The following LRBA variants were observed in gnomAD, a reference collection of about 807,000 sequenced individuals.
The protein encoded by LRBA is LPS responsive beige-like anchor protein.
Under a neutral mutation model 330.0 loss-of-function variants are expected in LRBA, and 176 were observed. The observed-to-expected ratio is 0.53, with a 90% CI of 0.47 to 0.60. The LOEUF is 0.60. LRBA is among the 20% of genes least tolerant of loss of function. LRBA has a pLI of 0.00. For synonymous variants in LRBA, 1,230 were observed against 1,193.0 expected (o/e 1.03, Z -0.64); for missense variants, 3,259 against 3,444.8 (o/e 0.95, Z 1.35).
chr4:150,279,243 C>A (rs1391877492), intron 55 of LRBA, among the ~76,000 whole-genome samples: 1 of 152,166 alleles, frequency 6.6e-6, no homozygotes, highest in Non-Finnish European at 1.5e-5. Context: ...TACTTTCTGT[C>A]CATTTATAGA....
intron 40 of LRBA, among the ~76,000 whole-genome samples, chr4:150,520,589 T>C (rs1280047691): frequency 2.6e-5 from 4 of 152,204 alleles, no homozygotes; most frequent in African/African-American, 9.6e-5. Flanking sequence ...ATATACACCA[T>C]GGAATACTAT....
Position 150,265,707 on chromosome 4 carries a change from G to A in LRBA, c.*15C>T. On this transcript the variant is annotated 3_prime_UTR_variant, in exon 57 of 57. Coordinates refer to ENST00000651943, the MANE Select transcript of LRBA (RefSeq NM_001364905.1). ...TGCTCATCCTAGGGGCAGAGTTGAT[G>A]TACAGCTGTCACCATCAGTAGCGGG... is the stretch of plus-strand genomic sequence containing the variant. The A allele has an allele frequency of 3.2e-6, 5 of 1,558,070 alleles. No homozygotes were observed. The highest frequency in any genetic ancestry group is 1.4e-5 in the African/African-American group (1 of 73,968).
At position 150,348,704 on chromosome 4, in the gene LRBA, G is replaced by C. The variant is rs186484544; in HGVS notation, c.7362+1288C>G. On this transcript the variant is annotated intron_variant, in intron 48 of 56. Transcript: ENST00000651943. ...GAAAACAAAAATAGCTGGTATATTT[G>C]TTGAAGAATTATGGGCATTTAACAG... Among the ~76,000 whole-genome samples the C allele has an allele frequency of 4.8e-4, 73 of 152,206 alleles. 3 individuals carry two copies. Among genetic ancestry groups the C allele is most frequent in the Admixed American group, 4.2e-3 (64 of 15,282 alleles).
Position 150,413,459 on chromosome 4 carries a change from A to G in LRBA, c.7194+1979T>C, listed in dbSNP as rs571841132. On this transcript the variant is annotated intron_variant, in intron 47 of 56. Transcript: ENST00000651943. Reference sequence around the variant, plus strand: ...GAATACTATACAGCAATACAAAGAAATTAACTACTGATATATGCACAACAT... The same window carrying G: ...GAATACTATACAGCAATACAAAGAAGTTAACTACTGATATATGCACAACAT... Among the ~76,000 whole-genome samples, 4 of 152,302 alleles carry G rather than the reference A, an allele frequency of 2.6e-5. No homozygotes were observed. The South Asian group carries it at 6.2e-4, about 24-fold the overall frequency.
intron 47 of LRBA, among the ~76,000 whole-genome samples, chr4:150,351,645 C>T (rs1186867959): frequency 3.9e-5 from 6 of 152,012 alleles, no homozygotes; most frequent in African/African-American, 9.7e-5. Context: ...GCCGAGATCG[C>T]GCCACTGCAC....
intron 49 of LRBA, among the ~76,000 whole-genome samples, chr4:150,325,050 T>C (rs1246447115): frequency 6.6e-6 from 1 of 152,128 alleles, no homozygotes; most frequent in African/African-American, 2.4e-5. Context: ...CAATGAAATG[T>C]GGCATAAATG....
chr4:150,871,438 G>C lies in LRBA; in HGVS notation c.2274C>G (p.Val758=), dbSNP rs768789793. Residue 758 remains valine (V), a synonymous_variant, in exon 19 of 57, where the codon GTC becomes GTG. Transcript: ENST00000651943. ...ATGAAAACAATCCATGTCCAAGCAT[G>C]ACTTCTGCTTTCCTCCTGCAATTAC... ...KHLAPKRKAE[V]MLGHGLFSLL... is the part of the protein sequence containing the mutation. 7 of 1,607,068 alleles carry C rather than the reference G, an allele frequency of 4.4e-6. No homozygotes were observed. In the Admixed American group the frequency reaches 1.2e-4, roughly 27 times the overall value.
At chr4:150,538,226 G>A (rs1448117783) in intron 40 of LRBA, among the ~76,000 whole-genome samples, 1 of 152,156 alleles carries the variant, frequency 6.6e-6, no homozygotes, top group Non-Finnish European at 1.5e-5. Context: ...AAAGCAGTTT[G>A]GAGATTTCTC....
At chr4:150,265,876 C>A in intron 56 of LRBA, 64 bp from the exon 57 acceptor site, 1 of 977,654 alleles carries the variant, frequency 1.0e-6, no homozygotes, top group South Asian at 1.3e-5. Context: ...TTACTAAAAA[C>A]TGCTCTCCCC....
At chr4:150,368,869 T>A (rs1312254758) in intron 47 of LRBA, among the ~76,000 whole-genome samples, 3 of 152,234 alleles carry the variant, frequency 2.0e-5, no homozygotes, top group Non-Finnish European at 2.9e-5. Context: ...AGGATAGATG[T>A]CTTTTTGTGT....
At chr4:150,821,084 C>T (rs1297163268) in intron 30 of LRBA, among the ~76,000 whole-genome samples, 5 of 152,038 alleles carry the variant, frequency 3.3e-5, no homozygotes, top group African/African-American at 1.2e-4. Context: ...GCTTAAGTTT[C>T]TATTTAAGAA....
rs1560909833 is a variant in LRBA, at chr4:150,848,965, G to C, written c.4192C>G (p.Leu1398Val). 2 of 1,605,672 alleles carry C rather than the reference G, an allele frequency of 1.2e-6. No individual in the cohort carries two copies. Among genetic ancestry groups the C allele is most frequent in the Admixed American group, 1.7e-5 (1 of 57,804 alleles). Reference protein sequence around the residue: ...ELENIEPTQGLSIEASVTFLQ... With the variant: ...ELENIEPTQGVSIEASVTFLQ... The stretch of plus-strand genomic sequence containing the variant: ...AATGTCACAGAGGCTTCTATTGAAA[G>C]GCCTTGAGTAGGTTCAATATTTTCC... The change falls in exon 26 of 57, where the codon CTT becomes GTT. Residue 1398 changes from leucine (L) to valine (V), a missense_variant. Coordinates refer to ENST00000651943, the MANE Select transcript of LRBA (RefSeq NM_001364905.1).
chr4:150,763,960 A>G (rs934272041), intron 34 of LRBA, among the ~76,000 whole-genome samples: 11 of 152,002 alleles, frequency 7.2e-5, no homozygotes, highest in African/African-American at 2.7e-4. Flanking sequence ...CAACACAAGC[A>G]TATGTTCATT....
intron 17 of LRBA, among the ~76,000 whole-genome samples, chr4:150,874,026 T>C (rs368506498): frequency 2.6e-5 from 4 of 152,294 alleles, no homozygotes; most frequent in African/African-American, 9.6e-5. Context: ...TCTTCAAGGA[T>C]TTAAATTCAG....
chr4:151,013,845 CCATT>C (rs1227845893), intron 2 of LRBA: 1 of 152,448 alleles, frequency 6.6e-6, no homozygotes, highest in African/African-American at 2.4e-5. Flanking sequence ...TTTCATATTG[CCATT>C]CAATTTTCAC....
rs773881652 is a variant in LRBA, at chr4:150,928,991, G to A, written c.291C>T (p.Asp97=). The A allele has an allele frequency of 1.7e-5, 27 of 1,613,080 alleles. No individual in the cohort carries two copies. The highest frequency in any genetic ancestry group is 2.2e-5 in the Non-Finnish European group (26 of 1,179,874). ...QEGESINCMV[D]LLEKCDITCQ... ...ACGTAATGTCACATTTTTCCAGTAG[G>A]TCCACCATGCAGTTAATACTCTCAC... Residue 97 remains aspartate, a synonymous_variant, in exon 3 of 57, where the codon GAC becomes GAT. Coordinates refer to ENST00000651943, the MANE Select transcript of LRBA (RefSeq NM_001364905.1).
chr4:150,481,257 A>T (rs1195416213), intron 42 of LRBA, among the ~76,000 whole-genome samples: 2 of 151,948 alleles, frequency 1.3e-5, no homozygotes, highest in African/African-American at 4.8e-5. Context: ...AACACCACTG[A>T]TTCCATCTCT....
At position 150,924,387 on chromosome 4, in the gene LRBA, C is replaced by T. The variant is rs532078264; in HGVS notation, c.550-3094G>A. 1.2e-3 allele frequency among the ~76,000 whole-genome samples: 181 copies of T among 152,144 alleles called. 2 individuals carry two copies. Among genetic ancestry groups the T allele is most frequent in the African/African-American group, 4.1e-3 (172 of 41,518 alleles). ...AATTAGCCAAGAATGGTGGCAAGTG[C>T]CTGTGGTCCCAGCTGCTTGGAAAGC... On this transcript the variant is annotated intron_variant, in intron 4 of 56. Transcript: ENST00000651943.
intron 17 of LRBA, among the ~76,000 whole-genome samples, chr4:150,877,811 T>C (rs77549980): frequency 0.078 from 11,931 of 152,136 alleles, 765 homozygotes; most frequent in African/African-American, 0.18. Context: ...ATTCAAAAAA[T>C]TGAAATCATG....
Sources: allele counts gnomAD v4.1 joint callset (sites outside exome capture counted in the v4.1 genomes callset), GRCh38; gene constraint gnomAD v4.1.1; transcripts MANE v1.5; gene names NCBI Gene and HGNC (gene_info 2026-07-23, HGNC 2026-07-21).